Variants in CPA6 observed in about 807,000 individuals in gnomAD.
CPA6 encodes carboxypeptidase B.
Under a neutral mutation model 63.3 loss-of-function variants are expected in CPA6, and 58 were observed. The ratio of observed to expected loss-of-function variants is 0.92; its 90% CI spans 0.74 to 1.14. CPA6 has a LOEUF of 1.14. CPA6 is among the 50% of genes most tolerant of loss of function. The pLI is 0.00. For missense variants in CPA6, 565 were observed against 526.6 expected (o/e 1.07, Z -0.71); for synonymous variants, 185 against 179.0 (o/e 1.03, Z -0.27).
intron 2 of CPA6, among the ~76,000 whole-genome samples, chr8:67,591,301 G>A (rs1413189256): frequency 4.2e-4 from 64 of 151,936 alleles, no homozygotes; most frequent in African/African-American, 1.3e-3. Context: ...TTGTAGTATA[G>A]TTTGAAGTCA....
chr8:67,692,937 ATAGACC>A (rs1816841941), intron 1 of CPA6, among the ~76,000 whole-genome samples: 1 of 152,238 alleles, frequency 6.6e-6, no homozygotes, highest in Non-Finnish European at 1.5e-5. Context: ...GCATAGACCC[ATAGACC>A]TAAGGCACAA....
intron 1 of CPA6, among the ~76,000 whole-genome samples, chr8:67,678,785 G>A (rs1464382803): frequency 6.6e-6 from 1 of 152,200 alleles, no homozygotes; most frequent in African/African-American, 2.4e-5. Flanking sequence ...ATAATTACCA[G>A]TAGACATGTA....
At chr8:67,606,300 G>A (rs958933022) in intron 2 of CPA6, among the ~76,000 whole-genome samples, 1 of 151,680 alleles carries the variant, frequency 6.6e-6, no homozygotes, top group Non-Finnish European at 1.5e-5. Context: ...CCTGCACATT[G>A]TGCACATGTG....
chr8:67,602,375 G>T (rs1465986247), intron 2 of CPA6, among the ~76,000 whole-genome samples: 2 of 152,112 alleles, frequency 1.3e-5, no homozygotes, highest in Non-Finnish European at 2.9e-5. Context: ...CTTAAAAATT[G>T]TATATCCTTT....
chr8:67,627,877 ATCAGT>A (rs1236266110), intron 1 of CPA6, among the ~76,000 whole-genome samples: 1 of 152,218 alleles, frequency 6.6e-6, no homozygotes, highest in Non-Finnish European at 1.5e-5. Context: ...AATAAATGTA[ATCAGT>A]TCAAAAACTA....
intron 2 of CPA6, among the ~76,000 whole-genome samples, chr8:67,539,366 G>T (rs927958868): frequency 2.6e-5 from 4 of 152,156 alleles, no homozygotes; most frequent in East Asian, 1.9e-4. Context: ...AAAGACATCC[G>T]CTCTTAGTCT....
At chr8:67,696,162 G>A (rs758756488) in intron 1 of CPA6, among the ~76,000 whole-genome samples, 2 of 152,022 alleles carry the variant, frequency 1.3e-5, no homozygotes, top group African/African-American at 4.8e-5. Flanking sequence ...GAAGTCACAT[G>A]GGATATCACC....
At chr8:67,461,998 A>G (rs201911589) in intron 8 of CPA6, among the ~76,000 whole-genome samples, 7 of 151,532 alleles carry the variant, frequency 4.6e-5, no homozygotes, top group East Asian at 3.9e-4. Flanking sequence ...TAAAATTTTT[A>G]GGTTTTTTTT....
chr8:67,716,986 A>T (rs1817396412), intron 1 of CPA6, among the ~76,000 whole-genome samples: 1 of 152,316 alleles, frequency 6.6e-6, no homozygotes. Flanking sequence ...GTTTGTTTCT[A>T]TGTAGTAGGA....
chr8:67,515,033 C>A (rs1812114006), intron 3 of CPA6, among the ~76,000 whole-genome samples: 1 of 152,170 alleles, frequency 6.6e-6, no homozygotes, highest in Non-Finnish European at 1.5e-5. Flanking sequence ...CATTTGGCAA[C>A]CCTTGGCTCA....
At chr8:67,428,455 C>T (rs1809944593) in intron 9 of CPA6, among the ~76,000 whole-genome samples, 2 of 152,050 alleles carry the variant, frequency 1.3e-5, no homozygotes, top group South Asian at 4.1e-4. Flanking sequence ...ACTTAGTGTT[C>T]CGTTCCTTGA....
intron 2 of CPA6, among the ~76,000 whole-genome samples, chr8:67,551,719 C>T (rs1028858473): frequency 6.6e-6 from 1 of 152,126 alleles, no homozygotes; most frequent in African/African-American, 2.4e-5. Flanking sequence ...TGTAGTTCCT[C>T]TTGCACAGAA....
rs1325223370 is a variant in CPA6, at chr8:67,653,700, TG to T, written c.117-29450del. Among the ~76,000 whole-genome samples, 5 of 152,292 alleles carry T rather than the reference TG, an allele frequency of 3.3e-5. No homozygotes were observed. In the East Asian group the frequency reaches 9.6e-4, roughly 29 times the overall value. On this transcript the variant is annotated intron_variant, in intron 1 of 10. Coordinates refer to ENST00000297770, the MANE Select transcript of CPA6 (RefSeq NM_020361.5). ...ATGTCATCTGCAAACATGGACAATT[TG>T]ACTTCCTCTTTTCCTAATTGAATAC... is the stretch of plus-strand genomic sequence containing the variant.
intron 2 of CPA6, 82 bp downstream of exon 2, chr8:67,624,094 C>A: frequency 1.3e-6 from 1 of 792,992 alleles, no homozygotes; most frequent in Admixed American, 2.3e-5. Flanking sequence ...TAATAAATTC[C>A]AATTATTCAA....
intron 8 of CPA6, among the ~76,000 whole-genome samples, chr8:67,445,151 G>A (rs1563955639): frequency 6.6e-6 from 1 of 152,204 alleles, no homozygotes; most frequent in African/African-American, 2.4e-5. Context: ...GTTTTGGGAA[G>A]CTTGGTCTAC....
At chr8:67,454,321 G>A (rs1177844996) in intron 8 of CPA6, among the ~76,000 whole-genome samples, 1 of 152,120 alleles carries the variant, frequency 6.6e-6, no homozygotes, top group Non-Finnish European at 1.5e-5. Flanking sequence ...AATCCCTTCT[G>A]GATTTTATGT....
chr8:67,506,136 C>T (rs1241599018), intron 6 of CPA6, among the ~76,000 whole-genome samples: 1 of 151,750 alleles, frequency 6.6e-6, no homozygotes, highest in East Asian at 1.9e-4. Context: ...AGTGTTGGCA[C>T]AAAAGGCTGG....
chr8:67,480,279 C>T (rs1032768615), intron 8 of CPA6, among the ~76,000 whole-genome samples: 3 of 152,044 alleles, frequency 2.0e-5, no homozygotes, highest in Admixed American at 2.0e-4. Flanking sequence ...TCACAATTGT[C>T]ACATCTCATT....
chr8:67,525,939 T>C (rs926648917), intron 2 of CPA6, among the ~76,000 whole-genome samples: 19 of 152,318 alleles, frequency 1.2e-4, no homozygotes, highest in African/African-American at 4.6e-4. Context: ...ATTTGGGTGA[T>C]GGTAACACTG....
Sources: allele counts gnomAD v4.1 joint callset (sites outside exome capture counted in the v4.1 genomes callset), GRCh38; gene constraint gnomAD v4.1.1; transcripts MANE v1.5; gene names NCBI Gene and HGNC (gene_info 2026-07-23, HGNC 2026-07-21).